Variants in ELP4 observed in about 807,000 individuals in gnomAD.
ELP4 encodes the protein elongator complex protein 4.
ELP4 carries 51 observed loss-of-function variants against 48.9 expected under a neutral mutation model. That is an observed-to-expected ratio of 1.04 (90% CI 0.83 to 1.32). The LOEUF (loss-of-function observed/expected upper bound fraction) is 1.32, where lower values mean the gene tolerates loss of function less well. Among genes scored for constraint, ELP4 ranks in the 40% most tolerant of loss-of-function variants. The probability of loss-of-function intolerance (pLI) is 0.00; values close to 1 mark genes in which losing one functional copy is unlikely to be tolerated. For synonymous variants in ELP4, 210 were observed against 189.2 expected (o/e 1.11, Z -0.90); for missense variants, 519 against 514.6 (o/e 1.01, Z -0.08).
intron 9 of ELP4, among the ~76,000 whole-genome samples, chr11:31,690,890 C>T (rs1177280710): frequency 2.7e-5 from 4 of 146,176 alleles, no homozygotes; most frequent in Non-Finnish European, 4.5e-5. Flanking sequence ...GCTCTTTGCA[C>T]TACTTCTTAA....
At position 31,632,324 on chromosome 11, in the gene ELP4, C is replaced by A; in HGVS notation, c.846C>A (p.Thr282=). 1 of 1,613,504 alleles carries A rather than the reference C, an allele frequency of 6.2e-7. No homozygotes were observed. Among genetic ancestry groups the A allele is most frequent in the Non-Finnish European group, 8.5e-7 (1 of 1,179,682 alleles). The change falls in exon 7 of 10, where the codon ACC becomes ACA. Residue 282 remains threonine, a synonymous_variant. Transcript: ENST00000640961. The part of the protein sequence containing the change: ...AENGGNSHSL[T]KFLYVLRGLL... ...ATGGTGGCAACAGTCACAGCCTTACCAAGTTCCTCTATGTTCTCCGTGGTC... is the reference window on the plus strand; with the variant it reads ...ATGGTGGCAACAGTCACAGCCTTACAAAGTTCCTCTATGTTCTCCGTGGTC...
At chr11:31,522,494 A>G (rs1270518944) in intron 2 of ELP4, among the ~76,000 whole-genome samples, 2 of 152,144 alleles carry the variant, frequency 1.3e-5, no homozygotes, top group Admixed American at 1.3e-4. Context: ...TTTGTTAACA[A>G]CTGCATAGGA....
At position 31,790,112 on chromosome 11, in the gene ELP4, A is replaced by AAAAAAC; in HGVS notation, c.*6593_*6594insCAAAAA. The AAAAAAC allele has an allele frequency of 1.3e-6, 1 of 798,252 alleles. No homozygotes were observed. Among genetic ancestry groups the AAAAAAC allele is most frequent in the Admixed American group, 2.7e-5 (1 of 37,130 alleles). 49.4% of individuals were successfully genotyped at this position (798,252 alleles called of 1,614,324 possible). On this transcript the variant is annotated 3_prime_UTR_variant, in exon 10 of 10. Coordinates refer to ENST00000640961, the MANE Select transcript of ELP4 (RefSeq NM_019040.5). ...TATAGGTTTACAAAAAAAAAAAAAA[A>AAAAAAC]AAAAAAAACTAATACTTTCTAACAT...
rs1453385584 is a variant in ELP4 at position 31,781,064 on chromosome 11, A to G, written c.1144-2329A>G. 3.3e-5 allele frequency among the ~76,000 whole-genome samples: 5 copies of G among 152,286 alleles called. No individual in the cohort carries two copies. In the South Asian group the frequency reaches 6.2e-4, roughly 19 times the overall value. On this transcript the variant is annotated intron_variant, in intron 9 of 9. Coordinates refer to ENST00000640961, the MANE Select transcript of ELP4 (RefSeq NM_019040.5). The stretch of plus-strand genomic sequence containing the variant: ...GGAGTGTTCCCTGTGAGGGTTACCT[A>G]TGTGCTTGCCTTATTCATATTACTG...
chr11:31,776,335 C>T (rs558461444), intron 9 of ELP4, among the ~76,000 whole-genome samples: 4 of 152,214 alleles, frequency 2.6e-5, no homozygotes, highest in African/African-American at 9.6e-5. Flanking sequence ...ATGGTGCCTC[C>T]TCTTTAAGGA....
intron 9 of ELP4, among the ~76,000 whole-genome samples, chr11:31,704,551 G>A (rs1946590981): frequency 6.6e-6 from 1 of 151,954 alleles, no homozygotes; most frequent in East Asian, 1.9e-4. Context: ...ACGAGTTAAT[G>A]GGTGCAGCAC....
At chr11:31,635,971 A>G (rs1944966814) in intron 7 of ELP4, among the ~76,000 whole-genome samples, 1 of 152,006 alleles carries the variant, frequency 6.6e-6, no homozygotes. Context: ...ACCATGTTGT[A>G]ACAAGACTCT....
At chr11:31,747,652 C>T (rs1274905858) in intron 9 of ELP4, among the ~76,000 whole-genome samples, 1 of 152,166 alleles carries the variant, frequency 6.6e-6, no homozygotes, top group African/African-American at 2.4e-5. Context: ...ATTGAAAAGG[C>T]AACGTGGCTA....
rs564037212 is a variant in ELP4, at chr11:31,579,632, A to G, written c.382-15138A>G. ...AAAAAAGGATGAGTTCATGTCCTTT[A>G]TAGGGACATGGATGAAGCTGGAAAC... On this transcript the variant is annotated intron_variant, in intron 3 of 9. Coordinates refer to ENST00000640961, the MANE Select transcript of ELP4 (RefSeq NM_019040.5). 7.0e-4 allele frequency among the ~76,000 whole-genome samples: 107 copies of G among 152,122 alleles called. 1 individual carries two copies. The highest frequency in any genetic ancestry group is 6.8e-3 in the Middle Eastern group (2 of 294).
intron 3 of ELP4, among the ~76,000 whole-genome samples, chr11:31,583,509 A>G (rs533455227): frequency 6.6e-6 from 1 of 152,236 alleles, no homozygotes; most frequent in East Asian, 1.9e-4. Flanking sequence ...GACTGAGGCA[A>G]GAGGATTCCT....
At chr11:31,601,174 G>A (rs1957773343) in intron 4 of ELP4, among the ~76,000 whole-genome samples, 1 of 148,962 alleles carries the variant, frequency 6.7e-6, no homozygotes, top group Admixed American at 6.6e-5. Flanking sequence ...ACAGCATGTA[G>A]TTATCTTTTT....
rs151278544 is a variant in ELP4 at position 31,772,820 on chromosome 11, A to C, written c.1144-10573A>C. Among the ~76,000 whole-genome samples, 9 of 152,328 alleles carry C rather than the reference A, an allele frequency of 5.9e-5. No individual in the cohort carries two copies. In the East Asian group the frequency reaches 1.4e-3, roughly 23 times the overall value. On this transcript the variant is annotated intron_variant, in intron 9 of 9. Transcript: ENST00000640961. ...AGATACTGGAAAAAAAAAATTATCA[A>C]TCTCTGCCATAATTCACTTACTCCC... is the stretch of plus-strand genomic sequence containing the variant.
At chr11:31,638,115 T>G (rs1050524477) in intron 7 of ELP4, among the ~76,000 whole-genome samples, 48 of 151,774 alleles carry the variant, frequency 3.2e-4, no homozygotes, top group African/African-American at 1.1e-3. Flanking sequence ...AAAAAGAAAA[T>G]TTACTTATTA....
At chr11:31,733,832 T>G (rs780851113) in intron 9 of ELP4, among the ~76,000 whole-genome samples, 5 of 152,136 alleles carry the variant, frequency 3.3e-5, no homozygotes, top group Non-Finnish European at 2.9e-5. Flanking sequence ...TACAAAAAAT[T>G]GAAGAGTAGG....
intron 2 of ELP4, among the ~76,000 whole-genome samples, chr11:31,532,694 G>A (rs1269393764): frequency 1.3e-5 from 2 of 151,414 alleles, no homozygotes; most frequent in East Asian, 3.9e-4. Context: ...TTAAACAACA[G>A]TCATGTATAT....
intron 3 of ELP4, among the ~76,000 whole-genome samples, chr11:31,578,941 G>A (rs1957335722): frequency 6.6e-6 from 1 of 152,198 alleles, no homozygotes; most frequent in Non-Finnish European, 1.5e-5. Context: ...TGACAAATGG[G>A]ATCTAATTAA....
rs190204530 is a variant in ELP4, at chr11:31,587,364, A to G, written c.382-7406A>G. On this transcript the variant is annotated intron_variant, in intron 3 of 9. Transcript: ENST00000640961. ...AACAGCACTGAAGTAATAGGGGGGA[A>G]AAAAACGAGATTTGAGGGAGAGGAG... Among the ~76,000 whole-genome samples the G allele has an allele frequency of 1.9e-3, 288 of 152,294 alleles. 2 individuals are homozygous for G. The highest frequency in any genetic ancestry group is 6.5e-3 in the African/African-American group (272 of 41,568).
At chr11:31,586,762 C>T (rs1957481024) in intron 3 of ELP4, among the ~76,000 whole-genome samples, 1 of 151,956 alleles carries the variant, frequency 6.6e-6, no homozygotes, top group South Asian at 2.1e-4. Flanking sequence ...CCTGCCTCAG[C>T]CTCCCGAGTA....
At chr11:31,719,531 T>C in intron 9 of ELP4, 1 of 398,280 alleles carries the variant, frequency 2.5e-6, no homozygotes. Context: ...TTTCCAAAAC[T>C]TGTAGCTTTG....
Sources: gnomAD v4.1 joint callset for allele counts (sites outside exome capture counted in the v4.1 genomes callset) on GRCh38, gnomAD v4.1.1 for gene constraint, MANE v1.5 for transcripts, NCBI Gene and HGNC (gene_info 2026-07-23, HGNC 2026-07-21) for gene names.